The following ENOX1 variants were observed in gnomAD, a reference collection of about 807,000 sequenced individuals.
ENOX1 encodes the protein ecto-NOX disulfide-thiol exchanger 1, also known as candidate growth-related and time keeping constitutive hydroquinone (NADH) oxidase.
Under a neutral mutation model 82.5 loss-of-function variants are expected in ENOX1, and 42 were observed. The observed-to-expected ratio is 0.51, with a 90% CI of 0.40 to 0.66. The LOEUF (loss-of-function observed/expected upper bound fraction) is 0.66, where lower values mean the gene tolerates loss of function less well. ENOX1 is among the 30% of genes least tolerant of loss of function. The pLI is 0.00. For synonymous variants in ENOX1, 271 were observed against 282.2 expected (o/e 0.96, Z 0.40); for missense variants, 608 against 811.6 (o/e 0.75, Z 3.05).
At position 43,412,844 on chromosome 13, in the gene ENOX1, C is replaced by T; in HGVS notation, c.70+1G>A. ...GTCCTGTGCTGGCCACTGGCATTTA[C>T]CTGCAGCCATCATCTGAGGAAGCTC... On this transcript the variant is annotated splice_donor_variant, in intron 4 of 16. Coordinates refer to ENST00000690772, the MANE Select transcript of ENOX1 (RefSeq NM_001347969.2). LOFTEE classifies it high-confidence loss of function. The T allele has an allele frequency of 6.2e-7, 1 of 1,614,042 alleles. No individual in the cohort carries two copies. The highest frequency in any genetic ancestry group is 2.2e-5 in the East Asian group (1 of 44,866).
At chr13:43,648,336 CAG>C (rs755075323) in intron 2 of ENOX1, among the ~76,000 whole-genome samples, 14 of 152,186 alleles carry the variant, frequency 9.2e-5, no homozygotes, top group Non-Finnish European at 2.1e-4. Flanking sequence ...AACAGTGAAC[CAG>C]AGAGCCATGG....
At chr13:43,607,471 G>C (rs995777439) in intron 2 of ENOX1, among the ~76,000 whole-genome samples, 3 of 152,132 alleles carry the variant, frequency 2.0e-5, no homozygotes, top group African/African-American at 7.2e-5. Context: ...ACCAATGGCA[G>C]TAAGTTAACA....
intron 1 of ENOX1, among the ~76,000 whole-genome samples, chr13:43,746,997 C>T (rs1014006576): frequency 2.0e-5 from 3 of 152,166 alleles, no homozygotes; most frequent in African/African-American, 4.8e-5. Context: ...TTGCAGGAAT[C>T]GGGGCAGCCA....
chr13:43,297,767 C>T (rs904642473), intron 12 of ENOX1, among the ~76,000 whole-genome samples: 1 of 152,186 alleles, frequency 6.6e-6, no homozygotes, highest in African/African-American at 2.4e-5. Context: ...AGGTCTGGCA[C>T]TCTTCAACAA....
At chr13:43,556,135 A>C (rs986232633) in intron 2 of ENOX1, among the ~76,000 whole-genome samples, 1 of 152,122 alleles carries the variant, frequency 6.6e-6, no homozygotes, top group Non-Finnish European at 1.5e-5. Flanking sequence ...GACGTAAATA[A>C]TTGTATTTTT....
At chr13:43,705,928 AC>A (rs1197544333) in intron 1 of ENOX1, among the ~76,000 whole-genome samples, 1 of 152,100 alleles carries the variant, frequency 6.6e-6, no homozygotes, top group Non-Finnish European at 1.5e-5. Context: ...GGAATAAAAA[AC>A]ATCTTAATAA....
In ENOX1 at chr13:43,470,376, ACATATATATACGTATATATATGTG is replaced by A. The variant is rs1566308180; in HGVS notation, c.-75+13609_-75+13632del. 1.9e-4 allele frequency among the ~76,000 whole-genome samples: 9 copies of A among 46,168 alleles called. 1 individual carries two copies. Among genetic ancestry groups the A allele is most frequent in the African/African-American group, 6.3e-4 (8 of 12,624 alleles). 30.3% of individuals were successfully genotyped at this position (46,168 alleles called of 152,430 possible). A position where few individuals can be genotyped will look rare whatever the true frequency, so the allele number is the denominator to read the frequency against. The stretch of plus-strand genomic sequence containing the variant: ...TATGTATATATATACGTATATATAT[ACATATATATACGTATATATATGTG>A]TATATATATATATATATAACAGAGA... On this transcript the variant is annotated intron_variant, in intron 3 of 16. Transcript: ENST00000690772.
In ENOX1 at chr13:43,786,253, C is replaced by T. The variant is rs892353919; in HGVS notation, c.-285+399G>A. On this transcript the variant is annotated intron_variant, in intron 1 of 16. Transcript: ENST00000690772. The surrounding 1 kb of genome is among the most constrained non-coding windows in gnomAD (Gnocchi z 6.0). ...ACACTGTGTGGGCAGGAACGGGTCC[C>T]GGGGGCGACGCCCGCAGGGGGAGAC... Among the ~76,000 whole-genome samples, 2 of 151,930 alleles carry T rather than the reference C, an allele frequency of 1.3e-5. No homozygotes were observed. The highest frequency in any genetic ancestry group is 2.9e-5 in the Non-Finnish European group (2 of 67,942).
intron 2 of ENOX1, among the ~76,000 whole-genome samples, chr13:43,585,521 C>G (rs946588147): frequency 1.5e-4 from 23 of 152,222 alleles, no homozygotes; most frequent in African/African-American, 5.1e-4. Flanking sequence ...AACCACCCTG[C>G]CACTTGACTT....
chr13:43,709,696 GAT>G (rs1330669983), intron 1 of ENOX1, among the ~76,000 whole-genome samples: 1 of 151,964 alleles, frequency 6.6e-6, no homozygotes, highest in African/African-American at 2.4e-5. Flanking sequence ...ATCTGAAAAA[GAT>G]AAAAAGGTAG....
chr13:43,387,265 G>A (rs1043396630), intron 5 of ENOX1, among the ~76,000 whole-genome samples: 1 of 152,202 alleles, frequency 6.6e-6, no homozygotes, highest in Non-Finnish European at 1.5e-5. Flanking sequence ...GGTGAGAGAG[G>A]AGGGAGGAAG....
intron 2 of ENOX1, among the ~76,000 whole-genome samples, chr13:43,572,340 A>G (rs2080221811): frequency 6.6e-6 from 1 of 152,098 alleles, no homozygotes; most frequent in African/African-American, 2.4e-5. Context: ...CAAAACAGAG[A>G]CCCTTAACTA....
intron 1 of ENOX1, among the ~76,000 whole-genome samples, chr13:43,706,881 G>A (rs1178697654): frequency 6.6e-6 from 1 of 152,000 alleles, no homozygotes; most frequent in Non-Finnish European, 1.5e-5. Context: ...ACCAGTCCTG[G>A]ATAGTGCAGT....
At chr13:43,617,684 T>C (rs1439778693) in intron 2 of ENOX1, among the ~76,000 whole-genome samples, 2 of 152,236 alleles carry the variant, frequency 1.3e-5, no homozygotes, top group Non-Finnish European at 2.9e-5. Flanking sequence ...ACTATAAACA[T>C]GCATGTGCAA....
At position 43,340,888 on chromosome 13, in the gene ENOX1, T is replaced by C. The variant is rs17570294; in HGVS notation, c.1036+3650A>G. 1.3e-3 allele frequency among the ~76,000 whole-genome samples: 197 copies of C among 152,336 alleles called. 4 individuals carry two copies. In the East Asian group the frequency reaches 0.025, roughly 19 times the overall value. On this transcript the variant is annotated intron_variant, in intron 9 of 16. Transcript: ENST00000690772. ...TCTATGTTATAAGGCTTGATATATA[T>C]TGATGACTTGATATATATTGATGTC...
At chr13:43,739,782 G>A (rs2089813823) in intron 1 of ENOX1, among the ~76,000 whole-genome samples, 1 of 151,786 alleles carries the variant, frequency 6.6e-6, no homozygotes, top group Non-Finnish European at 1.5e-5. Flanking sequence ...TTAACAGCAT[G>A]GGTCTGAACT....
intron 3 of ENOX1, among the ~76,000 whole-genome samples, chr13:43,423,879 A>G (rs1329047695): frequency 1.3e-5 from 2 of 152,166 alleles, no homozygotes; most frequent in African/African-American, 4.8e-5. Context: ...TCACATTCTA[A>G]AAGTTCTAAA....
intron 3 of ENOX1, among the ~76,000 whole-genome samples, chr13:43,420,064 T>A (rs1433593782): frequency 1.3e-5 from 2 of 152,202 alleles, no homozygotes; most frequent in African/African-American, 4.8e-5. Flanking sequence ...ATTATCATGG[T>A]ATATATTTAC....
chr13:43,742,081 C>T (rs1325076434), intron 1 of ENOX1, among the ~76,000 whole-genome samples: 1 of 151,890 alleles, frequency 6.6e-6, no homozygotes, highest in East Asian at 1.9e-4. Context: ...TAAGAATAGA[C>T]AAAATGGGCA....
Sources: allele counts gnomAD v4.1 joint callset (sites outside exome capture counted in the v4.1 genomes callset), GRCh38; gene constraint gnomAD v4.1.1; non-coding constraint Gnocchi (gnomAD v3.1); transcripts MANE v1.5; gene names NCBI Gene and HGNC (gene_info 2026-07-23, HGNC 2026-07-21).